Variants in CHN2 observed in about 807,000 individuals in gnomAD.
CHN2 encodes chimerin 2.
In CHN2, 35 loss-of-function variants were observed where a neutral mutation model predicts 56.3. The observed-to-expected ratio is 0.62, with a 90% CI of 0.47 to 0.82. The LOEUF is 0.82. CHN2 is among the 40% of genes least tolerant of loss of function. The pLI, the probability that CHN2 is intolerant of heterozygous loss-of-function variation, is 0.00. For synonymous variants in CHN2, 210 were observed against 212.8 expected, an observed-to-expected ratio of 0.99 and a Z score of 0.12; for missense variants, 491 against 580.5, an observed-to-expected ratio of 0.85 and a Z score of 1.58.
intron 7 of CHN2, among the ~76,000 whole-genome samples, chr7:29,493,894 C>G (rs1788935911): frequency 6.6e-6 from 1 of 152,178 alleles, no homozygotes; most frequent in Admixed American, 6.6e-5. Context: ...ATGTGAAGTC[C>G]TCCAAGAACT....
rs1319202164 is a variant in CHN2, at chr7:29,500,848, CAAGG to C, written c.913+812_913+815del. On this transcript the variant is annotated intron_variant, in intron 9 of 12. Coordinates refer to ENST00000222792, the MANE Select transcript of CHN2 (RefSeq NM_004067.4). Reference sequence around the variant, plus strand: ...TCTATGCAATGAAAAATAAAGGAAACAAGGAAGATAGAAACATTCCAAAAAATGT... The same window carrying C: ...TCTATGCAATGAAAAATAAAGGAAACAAGATAGAAACATTCCAAAAAATGT... Among the ~76,000 whole-genome samples, 3 of 152,152 alleles carry C rather than the reference CAAGG, an allele frequency of 2.0e-5. No homozygotes were observed. The East Asian group carries it at 5.8e-4, about 29-fold the overall frequency.
At chr7:29,380,188 A>G (rs1800385104) in intron 3 of CHN2, among the ~76,000 whole-genome samples, 1 of 152,148 alleles carries the variant, frequency 6.6e-6, no homozygotes, top group Non-Finnish European at 1.5e-5. Flanking sequence ...GTGGGAGAAT[A>G]TATGTAAAAG....
At position 29,502,214 on chromosome 7, in the gene CHN2, T is replaced by G. The variant is rs59478370; in HGVS notation, c.913+2174T>G. 7.2e-3 allele frequency among the ~76,000 whole-genome samples: 1,090 copies of G among 152,294 alleles called. 13 individuals are homozygous for G. Among genetic ancestry groups the G allele is most frequent in the African/African-American group, 0.025 (1,040 of 41,566 alleles). On this transcript the variant is annotated intron_variant, in intron 9 of 12. Transcript: ENST00000222792. ...GCCTTTGACAAGATAGAAATCTATT[T>G]CTTTGCCCAGTAATAGTCCAGGTAC...
chr7:29,259,604 A>T (rs1274181108), intron 1 of CHN2, among the ~76,000 whole-genome samples: 1 of 152,180 alleles, frequency 6.6e-6, no homozygotes, highest in African/African-American at 2.4e-5. Flanking sequence ...GTTGGTACAA[A>T]CTTCAGTTAT....
At chr7:29,266,904 C>T (rs958378732) in intron 1 of CHN2, among the ~76,000 whole-genome samples, 2 of 151,904 alleles carry the variant, frequency 1.3e-5, no homozygotes, top group African/African-American at 4.8e-5. Context: ...GCCTCTGTCT[C>T]CTCTTTTGGA....
rs752977600 is a variant in CHN2, at chr7:29,354,709, A to G, written c.88+46A>G. On this transcript the variant is annotated intron_variant, in intron 2 of 12. Transcript: ENST00000222792. ...TCTCCCCAGAAGTCGTTAGCAGGCC[A>G]GCCTTTCTGAACAATTCTTGCCAGC... 5.1e-6 allele frequency: 8 copies of G among 1,566,676 alleles called. No individual in the cohort carries two copies. In the South Asian group the frequency reaches 7.8e-5, roughly 15 times the overall value.
intron 2 of CHN2, among the ~76,000 whole-genome samples, chr7:29,179,517 G>A (rs1797799614): frequency 1.3e-5 from 2 of 152,222 alleles, no homozygotes; most frequent in Non-Finnish European, 2.9e-5. Flanking sequence ...TCAGGAGTGA[G>A]AAGGAAAGAT....
At chr7:29,390,986 A>C (rs1202731658) in intron 3 of CHN2, among the ~76,000 whole-genome samples, 1 of 152,252 alleles carries the variant, frequency 6.6e-6, no homozygotes, top group African/African-American at 2.4e-5. Flanking sequence ...TTAGTGAAGT[A>C]TAGAAATAGA....
At chr7:29,334,299 C>T (rs896606741) in intron 1 of CHN2, among the ~76,000 whole-genome samples, 1 of 152,014 alleles carries the variant, frequency 6.6e-6, no homozygotes, top group Non-Finnish European at 1.5e-5. Flanking sequence ...GATCCACTCG[C>T]CTTGGCCTCC....
intron 1 of CHN2, among the ~76,000 whole-genome samples, chr7:29,321,790 G>A (rs1290364713): frequency 6.6e-6 from 1 of 151,756 alleles, no homozygotes; most frequent in Non-Finnish European, 1.5e-5. Context: ...GGCTGGTCTC[G>A]ACCTCCTGAC....
chr7:29,354,787 T>C (rs1798157831), intron 2 of CHN2, 124 bp downstream of exon 2: 2 of 803,470 alleles, frequency 2.5e-6, no homozygotes, highest in Non-Finnish European at 4.1e-6. Flanking sequence ...CCCAAATCTT[T>C]CTTTCCACTG....
intron 1 of CHN2, among the ~76,000 whole-genome samples, chr7:29,266,001 C>A (rs1465756755): frequency 2.0e-5 from 3 of 152,156 alleles, no homozygotes; most frequent in African/African-American, 7.2e-5. Flanking sequence ...AAGGCCTGAG[C>A]AAAGTAGCAA....
chr7:29,350,891 C>T (rs547006767), intron 1 of CHN2, among the ~76,000 whole-genome samples: 7 of 152,034 alleles, frequency 4.6e-5, no homozygotes, highest in Non-Finnish European at 8.8e-5. Context: ...GGGTGAATCA[C>T]GAGGTCAGGA....
intron 2 of CHN2, among the ~76,000 whole-genome samples, chr7:29,167,093 A>G (rs1796018816): frequency 6.6e-6 from 1 of 152,186 alleles, no homozygotes; most frequent in South Asian, 2.1e-4. Flanking sequence ...GAATATTATC[A>G]ATACCTTAAA....
At chr7:29,485,496 C>T (rs753933846) in intron 7 of CHN2, among the ~76,000 whole-genome samples, 58 of 152,126 alleles carry the variant, frequency 3.8e-4, no homozygotes, top group Non-Finnish European at 5.7e-4. Context: ...TGCTGGAGAT[C>T]CTGTGTAAGA....
At chr7:29,436,944 TTAATAA>T (rs141827176) in intron 6 of CHN2, among the ~76,000 whole-genome samples, 17 of 150,272 alleles carry the variant, frequency 1.1e-4, no homozygotes, top group Admixed American at 3.3e-4. Context: ...CTTATTAAAA[TTAATAA>T]TAATAATAAT....
At chr7:29,438,773 C>G (rs1783424806) in intron 6 of CHN2, among the ~76,000 whole-genome samples, 1 of 152,132 alleles carries the variant, frequency 6.6e-6, no homozygotes, top group African/African-American at 2.4e-5. Context: ...TTTTGTATCT[C>G]CCTTTGGAAC....
At chr7:29,219,303 A>C (rs1371008280) in intron 1 of CHN2, among the ~76,000 whole-genome samples, 5 of 152,230 alleles carry the variant, frequency 3.3e-5, no homozygotes, top group Admixed American at 2.6e-4. Context: ...TCAAAGGTGT[A>C]TTTTACAATC....
At chr7:29,343,111 A>G (rs1797167477) in intron 1 of CHN2, among the ~76,000 whole-genome samples, 1 of 152,234 alleles carries the variant, frequency 6.6e-6, no homozygotes, top group Admixed American at 6.5e-5. Context: ...AGCTACTGGA[A>G]GGCAAATGTC....
Sources: gnomAD v4.1 joint callset for allele counts (sites outside exome capture counted in the v4.1 genomes callset) on GRCh38, gnomAD v4.1.1 for gene constraint, MANE v1.5 for transcripts, NCBI Gene and HGNC (gene_info 2026-07-23, HGNC 2026-07-21) for gene names.